The following DST variants were observed in gnomAD, a reference collection of about 807,000 sequenced individuals.
DST encodes the protein dystonin, also known as bullous pemphigoid antigen.
Under a neutral mutation model 875.2 loss-of-function variants are expected in DST, and 253 were observed. That is an observed-to-expected ratio of 0.29 (90% CI 0.26 to 0.32). The LOEUF is 0.32. Among genes scored for constraint, DST ranks in the 10% least tolerant of loss-of-function variants. The pLI is 1.00. For missense variants in DST, 8,287 were observed against 9,111.6 expected (o/e 0.91, Z 3.68); for synonymous variants, 3,124 against 3,197.1 (o/e 0.98, Z 0.77).
At chr6:56,500,316 T>C (rs971998482) in intron 80 of DST, among the ~76,000 whole-genome samples, 1 of 152,136 alleles carries the variant, frequency 6.6e-6, no homozygotes, top group African/African-American at 2.4e-5. Flanking sequence ...CTACTGTGCA[T>C]AATCTTTTAT....
chr6:56,941,069 A>T (rs1243425522), intron 2 of DST, among the ~76,000 whole-genome samples: 1 of 151,790 alleles, frequency 6.6e-6, no homozygotes, highest in Admixed American at 6.6e-5. Context: ...CCTTCTTTCT[A>T]CTTATTTTGT....
At chr6:56,550,366 T>C (rs568213989) in intron 61 of DST, among the ~76,000 whole-genome samples, 6 of 152,336 alleles carry the variant, frequency 3.9e-5, no homozygotes, top group African/African-American at 1.4e-4. Context: ...CACAGCATGC[T>C]AAATGGTTTA....
intron 73 of DST, among the ~76,000 whole-genome samples, chr6:56,510,090 C>A (rs923871722): frequency 6.6e-6 from 1 of 152,074 alleles, no homozygotes; most frequent in African/African-American, 2.4e-5. Flanking sequence ...TACCTATGTA[C>A]AATAGACTTA....
At chr6:56,902,942 T>C (rs914508985) in intron 2 of DST, among the ~76,000 whole-genome samples, 1 of 139,652 alleles carries the variant, frequency 7.2e-6, no homozygotes, top group African/African-American at 2.7e-5. Flanking sequence ...ACACATTCAT[T>C]CTCTCTCTCT....
chr6:56,632,072 T>C, intron 28 of DST, 32 bp from the exon 29 acceptor site: 1 of 1,563,370 alleles, frequency 6.4e-7, no homozygotes, highest in Non-Finnish European at 8.8e-7. Flanking sequence ...GAAAATACCT[T>C]GTTTTCTATC....
chr6:56,891,544 C>A (rs1166346075), intron 3 of DST, among the ~76,000 whole-genome samples: 2 of 131,822 alleles, frequency 1.5e-5, no homozygotes, highest in Non-Finnish European at 3.1e-5. Flanking sequence ...CCAGCCTGGG[C>A]GACAGAGTGA....
intron 72 of DST, among the ~76,000 whole-genome samples, chr6:56,514,264 A>G (rs2096544634): frequency 6.6e-6 from 1 of 152,216 alleles, no homozygotes; most frequent in Admixed American, 6.5e-5. Flanking sequence ...AGTAGATATC[A>G]GATTTCTGCC....
At position 56,492,973 on chromosome 6, in the gene DST, G is replaced by A. The variant is rs373540758; in HGVS notation, c.20511C>T (p.Leu6837=). ...QTLNVASRPS[L]ILDTVLFQID... is the part of the protein sequence containing the mutation. ...TTTGAAATAAGACTGTGTCCAAGAT[G>A]AGACTTGGCCGAGAAGCTACATTTA... is the stretch of plus-strand genomic sequence containing the variant. Residue 6837 remains leucine, a synonymous_variant, in exon 84 of 104, where the codon CTC becomes CTT. Coordinates refer to ENST00000680361, the MANE Select transcript of DST (RefSeq NM_001374736.1). The A allele has an allele frequency of 1.2e-6, 2 of 1,611,878 alleles. No individual in the cohort carries two copies. The highest frequency in any genetic ancestry group is 1.3e-5 in the African/African-American group (1 of 74,794).
intron 36 of DST, among the ~76,000 whole-genome samples, chr6:56,621,503 T>C (rs2098690410): frequency 6.6e-6 from 1 of 152,210 alleles, no homozygotes; most frequent in African/African-American, 2.4e-5. Context: ...ATGAATCACT[T>C]TGACAAGCAC....
At chr6:56,731,409 T>G (rs1022785912) in intron 5 of DST, among the ~76,000 whole-genome samples, 2 of 152,378 alleles carry the variant, frequency 1.3e-5, no homozygotes, top group African/African-American at 4.8e-5. Context: ...ATTTTTGGAT[T>G]GTTCTTTGCA....
In DST at chr6:56,628,100, A is replaced by C; in HGVS notation, c.4537T>G (p.Leu1513Val). 1 of 1,613,712 alleles carries C rather than the reference A, an allele frequency of 6.2e-7. No homozygotes were observed. The highest frequency in any genetic ancestry group is 1.1e-5 in the South Asian group (1 of 91,070). The change falls in exon 33 of 104, where the codon TTA becomes GTA. Residue 1513 changes from leucine (L) to valine (V), a missense_variant. Physicochemically the swap from Leu to Val is conservative, Grantham distance 32 (BLOSUM62 1). Coordinates refer to ENST00000680361, the MANE Select transcript of DST (RefSeq NM_001374736.1). ...LKYYRDTYHPLDDWIQQVETT... is the reference protein window; with the variant it reads ...LKYYRDTYHPVDDWIQQVETT... The stretch of plus-strand genomic sequence containing the variant: ...TCAACCTGCTGGATCCAATCATCTA[A>C]AGGATGGTAAGTGTCTCTGTAGTAC...
intron 9 of DST, among the ~76,000 whole-genome samples, chr6:56,683,147 G>A (rs1164570172): frequency 1.3e-5 from 2 of 152,050 alleles, no homozygotes; most frequent in Admixed American, 6.6e-5. Context: ...GGAAGAAGGG[G>A]GTCTTATATC....
chr6:56,938,777 C>T (rs58604217), intron 2 of DST, among the ~76,000 whole-genome samples: 31,618 of 152,078 alleles, frequency 0.21, 3,635 homozygotes, highest in Middle Eastern at 0.26. Context: ...GGAACCCAAA[C>T]CTAACCACAT....
chr6:56,630,113 T>A (rs1440117657), intron 31 of DST, 132 bp downstream of exon 31: 5 of 724,834 alleles, frequency 6.9e-6, no homozygotes, highest in Non-Finnish European at 1.2e-5. Flanking sequence ...AACTGTGAGA[T>A]CACAGAGACA....
intron 3 of DST, among the ~76,000 whole-genome samples, chr6:56,892,486 C>G (rs1360923682): frequency 6.6e-6 from 1 of 151,926 alleles, no homozygotes; most frequent in Admixed American, 6.6e-5. Context: ...CCATGACTGG[C>G]TAATTTGTTT....
intron 4 of DST, among the ~76,000 whole-genome samples, chr6:56,839,160 G>C (rs2099797039): frequency 6.6e-6 from 1 of 152,176 alleles, no homozygotes; most frequent in Admixed American, 6.5e-5. Flanking sequence ...GGCTGGAAGA[G>C]GAGCAGCCAT....
intron 4 of DST, among the ~76,000 whole-genome samples, chr6:56,758,843 T>C (rs1399661263): frequency 6.6e-6 from 1 of 152,152 alleles, no homozygotes; most frequent in African/African-American, 2.4e-5. Flanking sequence ...GCATCACCTT[T>C]CCTGACATAA....
At chr6:56,656,850 T>C (rs1271323525) in intron 10 of DST, among the ~76,000 whole-genome samples, 2 of 150,290 alleles carry the variant, frequency 1.3e-5, no homozygotes, top group Non-Finnish European at 2.9e-5. Context: ...AACACAATAA[T>C]GTATATGTAT....
At chr6:56,542,225 C>CT (rs796255655) in intron 61 of DST, among the ~76,000 whole-genome samples, 1,711 of 143,986 alleles carry the variant, frequency 0.012, 28 homozygotes, top group African/African-American at 0.036. Context: ...TTTTCTTTTA[C>CT]TTTTTTTTTT....
Sources: gnomAD v4.1 joint callset for allele counts (sites outside exome capture counted in the v4.1 genomes callset) on GRCh38, gnomAD v4.1.1 for gene constraint, MANE v1.5 for transcripts, NCBI Gene and HGNC (gene_info 2026-07-23, HGNC 2026-07-21) for gene names.